PTPRD: variants seen among roughly 807,000 people sequenced by gnomAD.
PTPRD encodes protein tyrosine phosphatase receptor type D.
Under a neutral mutation model 214.5 loss-of-function variants are expected in PTPRD, and 34 were observed. The observed-to-expected ratio is 0.16, with a 90% CI of 0.12 to 0.21. The LOEUF (loss-of-function observed/expected upper bound fraction) is 0.21. PTPRD is among the 10% of genes least tolerant of loss of function. PTPRD has a pLI of 1.00. For missense variants in PTPRD, 2,545 were observed against 2,398.7 expected (o/e 1.06, Z -1.27); for synonymous variants, 1,128 against 845.7 (o/e 1.33, Z -5.79).
At chr9:9,187,099 G>GA (rs2099932112) in intron 9 of PTPRD, among the ~76,000 whole-genome samples, 2 of 151,464 alleles carry the variant, frequency 1.3e-5, no homozygotes, top group South Asian at 4.2e-4. Context: ...CTCTAAATTA[G>GA]AAAAAAGTTT....
At chr9:9,947,174 G>C (rs2092678466) in intron 4 of PTPRD, among the ~76,000 whole-genome samples, 1 of 146,778 alleles carries the variant, frequency 6.8e-6, no homozygotes, top group African/African-American at 2.5e-5. Flanking sequence ...AGTACAATGA[G>C]TAGTTCAGCT....
At chr9:8,353,425 T>A (rs1036611820) in intron 39 of PTPRD, among the ~76,000 whole-genome samples, 3 of 151,124 alleles carry the variant, frequency 2.0e-5, no homozygotes, top group African/African-American at 7.3e-5. Flanking sequence ...TTTATGAATG[T>A]ATGAATGAAT....
chr9:8,924,522 G>A (rs1377086309), intron 11 of PTPRD, among the ~76,000 whole-genome samples: 1 of 152,004 alleles, frequency 6.6e-6, no homozygotes, highest in African/African-American at 2.4e-5. Context: ...TAACAATCAG[G>A]GAATCAAAGT....
chr9:8,802,470 A>T (rs1378810058), intron 11 of PTPRD, among the ~76,000 whole-genome samples: 1 of 152,202 alleles, frequency 6.6e-6, no homozygotes, highest in Non-Finnish European at 1.5e-5. Flanking sequence ...AGGCAAAGAA[A>T]GGAATCACAA....
At chr9:9,700,801 C>A (rs1269727320) in intron 7 of PTPRD, among the ~76,000 whole-genome samples, 1 of 152,000 alleles carries the variant, frequency 6.6e-6, no homozygotes, top group Non-Finnish European at 1.5e-5. Flanking sequence ...ATAAAAATTT[C>A]TAGTAGATTT....
At chr9:8,796,330 A>C (rs1378258112) in intron 11 of PTPRD, among the ~76,000 whole-genome samples, 1 of 152,174 alleles carries the variant, frequency 6.6e-6, no homozygotes, top group Non-Finnish European at 1.5e-5. Flanking sequence ...AGTATTCTAT[A>C]ATAGGGGCTA....
intron 11 of PTPRD, among the ~76,000 whole-genome samples, chr9:8,760,365 T>A (rs1448520359): frequency 6.6e-6 from 1 of 152,198 alleles, no homozygotes; most frequent in Non-Finnish European, 1.5e-5. Context: ...GGAGTTTTGT[T>A]TGGTTTCTTA....
chr9:9,866,880 A>G (rs1256207120), intron 5 of PTPRD, among the ~76,000 whole-genome samples: 1 of 152,212 alleles, frequency 6.6e-6, no homozygotes, highest in African/African-American at 2.4e-5. Flanking sequence ...AAATGTATCT[A>G]GAACAACAAA....
At chr9:10,162,738 T>TATATATAC (rs1554769326) in intron 3 of PTPRD, among the ~76,000 whole-genome samples, 197 of 146,386 alleles carry the variant, frequency 1.3e-3, no homozygotes, top group African/African-American at 3.9e-3. Context: ...TGTACATATA[T>TATATATAC]ATATACATAT....
intron 3 of PTPRD, among the ~76,000 whole-genome samples, chr9:10,095,620 T>A (rs1034926406): frequency 6.6e-6 from 1 of 151,602 alleles, no homozygotes; most frequent in Non-Finnish European, 1.5e-5. Context: ...TGAGATAATA[T>A]GCATAGATTT....
At chr9:9,228,309 T>A (rs4146137) in intron 9 of PTPRD, among the ~76,000 whole-genome samples, 65,699 of 151,896 alleles carry the variant, frequency 0.43, 14,439 homozygotes, top group Non-Finnish European at 0.47. Context: ...AACTCCCAGA[T>A]GGAATAAGAA....
intron 7 of PTPRD, among the ~76,000 whole-genome samples, chr9:9,668,475 G>C (rs909512643): frequency 1.3e-5 from 2 of 152,144 alleles, no homozygotes; most frequent in Admixed American, 1.3e-4. Context: ...AATTACTACT[G>C]CCTTTTTAGT....
chr9:8,773,570 C>A (rs545058371), intron 11 of PTPRD, among the ~76,000 whole-genome samples: 1 of 152,272 alleles, frequency 6.6e-6, no homozygotes, highest in South Asian at 2.1e-4. Flanking sequence ...GGTCCCTATC[C>A]TACTTGCTCA....
intron 11 of PTPRD, among the ~76,000 whole-genome samples, chr9:8,742,438 T>C (rs1275784099): frequency 6.6e-6 from 1 of 152,196 alleles, no homozygotes; most frequent in Non-Finnish European, 1.5e-5. Context: ...TCTACATCAA[T>C]ATAACTGATT....
At chr9:8,522,480 A>G (rs1279510274) in intron 19 of PTPRD, among the ~76,000 whole-genome samples, 1 of 152,184 alleles carries the variant, frequency 6.6e-6, no homozygotes, top group Non-Finnish European at 1.5e-5. Context: ...CATTCAATTC[A>G]TATCAAAGGT....
intron 5 of PTPRD, among the ~76,000 whole-genome samples, chr9:9,907,778 T>C (rs565274169): frequency 6.6e-6 from 1 of 152,058 alleles, no homozygotes; most frequent in East Asian, 1.9e-4. Flanking sequence ...CTCCTAACCA[T>C]AAGCACTCTT....
At chr9:8,894,518 T>C (rs963163545) in intron 11 of PTPRD, among the ~76,000 whole-genome samples, 2 of 151,312 alleles carry the variant, frequency 1.3e-5, no homozygotes, top group East Asian at 1.9e-4. Flanking sequence ...AATGTGGGGG[T>C]TGGGGGGTGC....
chr9:9,198,183 C>A (rs2099939757), intron 9 of PTPRD, among the ~76,000 whole-genome samples: 1 of 152,138 alleles, frequency 6.6e-6, no homozygotes, highest in African/African-American at 2.4e-5. Context: ...TTTAATTTCA[C>A]TTAGCACTGT....
intron 2 of PTPRD, among the ~76,000 whole-genome samples, chr9:10,386,685 A>G (rs1452169593): frequency 6.6e-6 from 1 of 151,852 alleles, no homozygotes; most frequent in African/African-American, 2.4e-5. Context: ...AAAACAAACA[A>G]ACAAACAAAA....
Sources: allele counts gnomAD v4.1 joint callset (sites outside exome capture counted in the v4.1 genomes callset), GRCh38; gene constraint gnomAD v4.1.1; transcripts MANE v1.5; gene names NCBI Gene and HGNC (gene_info 2026-07-23, HGNC 2026-07-21).